Variants in BET1 observed in about 807,000 individuals in gnomAD.
BET1 encodes the protein BET1 homolog.
BET1 carries 9 observed loss-of-function variants against 13.9 expected under a neutral mutation model. The ratio of observed to expected loss-of-function variants is 0.65; its 90% confidence interval spans 0.39 to 1.13. BET1 has a LOEUF of 1.13. BET1 is among the 50% of genes most tolerant of loss of function. The pLI, the probability that BET1 is intolerant of heterozygous loss-of-function variation, is 0.01. For missense variants in BET1, 127 were observed against 133.6 expected (o/e 0.95, Z 0.24); for synonymous variants, 39 against 47.3 (o/e 0.82, Z 0.72).
downstream of BET1, chr7:93,992,298 C>T (rs1795652733): frequency 2.0e-6 from 2 of 984,982 alleles, no homozygotes; most frequent in Non-Finnish European, 2.4e-6. Flanking sequence ...ATGATACTGT[C>T]CACATTAAAA....
chr7:93,975,140 A>G (rs1795316592), intron 5 of BET1, among the ~76,000 whole-genome samples: 1 of 152,070 alleles, frequency 6.6e-6, no homozygotes, highest in South Asian at 2.1e-4. Flanking sequence ...AGACATCACA[A>G]CTAAATGAGA....
At chr7:93,989,889 C>T (rs1795598089), downstream of BET1, among the ~76,000 whole-genome samples, 2 of 152,098 alleles carry the variant, frequency 1.3e-5, no homozygotes, top group African/African-American at 4.8e-5. Context: ...TTTAAGGAAG[C>T]TGACTAGCTC....
intron 1 of BET1, 53 bp from the exon 2 acceptor site, chr7:93,999,347 C>T: frequency 1.3e-6 from 2 of 1,552,660 alleles, no homozygotes; most frequent in African/African-American, 1.4e-5. Context: ...TTTTGAAACA[C>T]TGTTAGTTAG....
chr7:93,995,128 G>A (rs1460402541), intron 3 of BET1, among the ~76,000 whole-genome samples: 2 of 152,220 alleles, frequency 1.3e-5, no homozygotes, highest in Admixed American at 6.5e-5. Flanking sequence ...GTATAGGCGT[G>A]AGCTACCATG....
In BET1 at chr7:93,985,717, T is replaced by C. The variant is rs145536099; in HGVS notation, c.235+8635A>G. ...TCATATACTTAATATAAATGTGCTT[T>C]TAACAGAGCAATGATCCAGCTCTTG... On this transcript the variant is annotated intron_variant and NMD_transcript_variant, in intron 4 of 6. Transcript: ENST00000357520. 2.2e-4 allele frequency among the ~76,000 whole-genome samples: 33 copies of C among 152,312 alleles called. No homozygotes were observed. In the East Asian group the frequency reaches 6.4e-3, roughly 29 times the overall value.
In BET1 at chr7:93,996,219, C is replaced by A. The variant is rs200339553; in HGVS notation, c.201+46G>T. On this transcript the variant is annotated intron_variant, in intron 3 of 3. Coordinates refer to ENST00000222547, the MANE Select transcript of BET1 (RefSeq NM_005868.6). ...ATAAAAGTTGAAATTCTATTATTTG[C>A]GAATATTAGATCAAATTTCTTAAAG... 39 of 1,352,232 alleles carry A rather than the reference C, an allele frequency of 2.9e-5. No homozygotes were observed. The African/African-American group carries it at 3.7e-4, about 13-fold the overall frequency. 83.8% of individuals were successfully genotyped at this position (1,352,232 alleles called of 1,614,324 possible).
chr7:93,971,658 A>G (rs902085130), intron 6 of BET1, among the ~76,000 whole-genome samples: 2 of 151,682 alleles, frequency 1.3e-5, no homozygotes, highest in African/African-American at 4.8e-5. Flanking sequence ...TTATGCTCAC[A>G]TTATGACTTC....
intron 2 of BET1, among the ~76,000 whole-genome samples, chr7:93,998,453 C>A (rs1402646656): frequency 6.6e-6 from 1 of 151,812 alleles, no homozygotes; most frequent in Non-Finnish European, 1.5e-5. Context: ...AATCCCAGCA[C>A]TTTGGGAGGC....
chr7:93,989,668 G>A (rs1000709133), downstream of BET1, among the ~76,000 whole-genome samples: 2 of 152,170 alleles, frequency 1.3e-5, no homozygotes, highest in Admixed American at 6.5e-5. Context: ...AATACATCAC[G>A]TTCTTGGTGC....
At chr7:94,003,062 C>G (rs1047752960) in intron 1 of BET1, among the ~76,000 whole-genome samples, 6 of 152,170 alleles carry the variant, frequency 3.9e-5, no homozygotes, top group Non-Finnish European at 8.8e-5. Context: ...AACAGGGCAA[C>G]AAACAACTGT....
intron 1 of BET1, among the ~76,000 whole-genome samples, chr7:94,002,429 C>T (rs1795926363): frequency 6.9e-6 from 1 of 144,994 alleles, no homozygotes; most frequent in Non-Finnish European, 1.5e-5. Context: ...GTAATTACTT[C>T]TCCTCTCAAT....
At chr7:93,988,884 CT>C (rs1180688751), downstream of BET1, among the ~76,000 whole-genome samples, 1 of 149,908 alleles carries the variant, frequency 6.7e-6, no homozygotes, top group East Asian at 1.9e-4. Context: ...CCACAACTTC[CT>C]TGTGATTAAT....
exon 7 of BET1, chr7:93,964,319 C>T (rs1486490521): frequency 1.3e-5 from 2 of 151,902 alleles, no homozygotes; most frequent in Non-Finnish European, 2.9e-5. Context: ...TTTATATCTA[C>T]GTGCACTCAA....
At chr7:93,992,822 G>C (rs1795663866), downstream of BET1, 1 of 931,000 alleles carries the variant, frequency 1.1e-6, no homozygotes, top group Non-Finnish European at 1.3e-6. Context: ...GACAAAAGCA[G>C]TGAGCAAGTT....
At chr7:93,995,295 G>A (rs187810506) in intron 3 of BET1, among the ~76,000 whole-genome samples, 3 of 152,232 alleles carry the variant, frequency 2.0e-5, no homozygotes, top group Admixed American at 2.0e-4. Context: ...AACATAGCTG[G>A]AAAATCCTAA....
chr7:93,998,261 G>A (rs1795814810), intron 2 of BET1, among the ~76,000 whole-genome samples: 1 of 152,194 alleles, frequency 6.6e-6, no homozygotes, highest in South Asian at 2.1e-4. Context: ...ATGGAAGGAC[G>A]CTGAAGACTT....
chr7:93,972,481 T>C (rs914168225), intron 6 of BET1: 4 of 151,898 alleles, frequency 2.6e-5, no homozygotes, highest in Non-Finnish European at 5.9e-5. Flanking sequence ...AGTGACTTTT[T>C]TAAAGTTACT....
At chr7:93,971,466 A>C (rs1030772714) in intron 6 of BET1, among the ~76,000 whole-genome samples, 1 of 151,664 alleles carries the variant, frequency 6.6e-6, no homozygotes, top group African/African-American at 2.4e-5. Flanking sequence ...AATAACAGTT[A>C]ATGCTGAAAT....
At chr7:94,004,032 T>A (rs1413006586) in intron 1 of BET1, among the ~76,000 whole-genome samples, 166 bp downstream of exon 1, 3 of 152,110 alleles carry the variant, frequency 2.0e-5, no homozygotes, top group Non-Finnish European at 4.4e-5. Flanking sequence ...TCCAAAGATC[T>A]GGGACAAATG....
Sources: allele counts gnomAD v4.1 joint callset (sites outside exome capture counted in the v4.1 genomes callset), GRCh38; gene constraint gnomAD v4.1.1; transcripts MANE v1.5; gene names NCBI Gene and HGNC (gene_info 2026-07-23, HGNC 2026-07-21).